BRSK2: variants seen among roughly 807,000 people sequenced by gnomAD.
The protein encoded by BRSK2 is serine/threonine-protein kinase BRSK2.
BRSK2 carries 19 observed loss-of-function variants against 83.3 expected under a neutral mutation model. That is an observed-to-expected ratio of 0.23 (90% confidence interval 0.16 to 0.33). The LOEUF is 0.33. BRSK2 is among the 10% of genes least tolerant of loss of function. BRSK2 has a pLI of 1.00. For synonymous variants in BRSK2, 519 were observed against 435.4 expected (o/e 1.19, Z -2.39); for missense variants, 798 against 1,042.3 (o/e 0.77, Z 3.23).
rs1047300929 is a variant in BRSK2 at position 1,423,921 on chromosome 11, C to T, written c.92-12119C>T. The stretch of plus-strand genomic sequence containing the variant: ...TCACCCTCACGTGGCGCCCCCATCC[C>T]ACCCCGTGTGTCCCCAGCCACACTT... On this transcript the variant is annotated intron_variant, in intron 1 of 19. Coordinates refer to ENST00000528841, the MANE Select transcript of BRSK2 (RefSeq NM_001256627.2). The surrounding 1 kb of genome is among the most constrained non-coding windows in gnomAD (Gnocchi z 6.5). Among the ~76,000 whole-genome samples the T allele has an allele frequency of 1.5e-4, 23 of 152,282 alleles. No individual in the cohort carries two copies. In the East Asian group the frequency reaches 4.5e-3, roughly 30 times the overall value.
intron 1 of BRSK2, among the ~76,000 whole-genome samples, chr11:1,409,074 G>A (rs187673028): frequency 6.6e-6 from 1 of 152,160 alleles, no homozygotes; most frequent in Admixed American, 6.5e-5. Flanking sequence ...GTATGTGTGT[G>A]CCTGTGTAAG....
chr11:1,442,314 A>T lies in BRSK2; in HGVS notation c.414-176A>T, dbSNP rs556111683. 3.8e-4 allele frequency: 213 copies of T among 558,904 alleles called. 4 individuals are homozygous for T. The South Asian group carries it at 3.9e-3, about 10-fold the overall frequency. 34.6% of individuals were successfully genotyped at this position (558,904 alleles called of 1,614,324 possible). The stretch of plus-strand genomic sequence containing the variant: ...CTGACCAAAGGCCAGAGCCAAACGG[A>T]CCAGGCAGGCGACTTCTGATTGGCT... On this transcript the variant is annotated intron_variant, in intron 4 of 19. Coordinates refer to ENST00000528841, the MANE Select transcript of BRSK2 (RefSeq NM_001256627.2).
In BRSK2 at chr11:1,443,101, C is replaced by A; in HGVS notation, c.531-5C>A. ...CCCGCCGCTGACCTCTGCCCTTGCCCGCAGGTCCCCCCACTACGCCTGCCC... is the reference window on the plus strand; with the variant it reads ...CCCGCCGCTGACCTCTGCCCTTGCCAGCAGGTCCCCCCACTACGCCTGCCC... On this transcript the variant is annotated splice_polypyrimidine_tract_variant and splice_region_variant and intron_variant, in intron 5 of 19. Coordinates refer to ENST00000528841, the MANE Select transcript of BRSK2 (RefSeq NM_001256627.2). 6.5e-7 allele frequency: 1 copy of A among 1,534,540 alleles called. No individual in the cohort carries two copies.
chr11:1,438,306 G>A lies in BRSK2; in HGVS notation c.187G>A (p.Val63Met). 1 of 1,613,730 alleles carries A rather than the reference G, an allele frequency of 6.2e-7. No individual in the cohort carries two copies. Among genetic ancestry groups the A allele is most frequent in the Non-Finnish European group, 8.5e-7 (1 of 1,179,656 alleles). Residue 63 changes from valine to methionine, a missense_variant and splice_region_variant, in exon 3 of 20, where the codon GTG becomes ATG. By Grantham distance (21) the Val-to-Met change is conservative (BLOSUM62 1). This residue lies in a region of BRSK2 where 109 missense variants were observed against 259.2 expected (regional missense o/e 0.42). Transcript: ENST00000528841. The surrounding 1 kb of genome is among the most constrained non-coding windows in gnomAD (Gnocchi z 6.4). ...EKLSESVLMK[V>M]EREIAILKLI... ...ATGTTCTCTGGCCTCTCCCATGCAG[G>A]TGGAGCGGGAGATCGCGATCCTGAA... is the stretch of plus-strand genomic sequence containing the variant.
intron 15 of BRSK2, among the ~76,000 whole-genome samples, chr11:1,451,937 G>A (rs758439300): frequency 2.0e-5 from 3 of 152,064 alleles, no homozygotes; most frequent in Non-Finnish European, 2.9e-5. Flanking sequence ...GCTGTGACTG[G>A]TGTCTGGACA....
At chr11:1,399,883 C>T (rs1045249655) in intron 1 of BRSK2, among the ~76,000 whole-genome samples, 4 of 129,422 alleles carry the variant, frequency 3.1e-5, no homozygotes, top group Non-Finnish European at 6.5e-5. Flanking sequence ...ATGGAGGCCT[C>T]GCTCCGGGTC....
At chr11:1,398,381 C>T (rs74046931) in intron 1 of BRSK2, among the ~76,000 whole-genome samples, 2 of 152,006 alleles carry the variant, frequency 1.3e-5, no homozygotes, top group Non-Finnish European at 2.9e-5. Flanking sequence ...GCCCTGGGTC[C>T]GAGAGTTATC....
At chr11:1,457,215 C>T (rs1231475024) in intron 18 of BRSK2, among the ~76,000 whole-genome samples, 1 of 152,172 alleles carries the variant, frequency 6.6e-6, no homozygotes, top group Non-Finnish European at 1.5e-5. Flanking sequence ...TGCACAGGAC[C>T]TGGGAGAGCA....
At chr11:1,455,621 G>A (rs1846415175) in intron 16 of BRSK2, among the ~76,000 whole-genome samples, 1 of 151,998 alleles carries the variant, frequency 6.6e-6, no homozygotes, top group Non-Finnish European at 1.5e-5. Flanking sequence ...ACTGCACTTG[G>A]ACCCTGGCCT....
rs1847527180 is a variant in BRSK2, at chr11:1,461,777, G to A, written c.*1054G>A. The A allele has an allele frequency of 6.6e-6, 1 of 151,928 alleles. No individual in the cohort carries two copies. Among genetic ancestry groups the A allele is most frequent in the African/African-American group, 2.4e-5 (1 of 41,338 alleles). 9.4% of individuals were successfully genotyped at this position (151,928 alleles called of 1,614,324 possible). On this transcript the variant is annotated 3_prime_UTR_variant, in exon 20 of 20. Transcript: ENST00000528841. ...TGGTGGTTTTTGGAAAAGGGTGTGG[G>A]GGTGGGGGCGCCGCTGGGGCAGGGC...
Position 1,439,419 on chromosome 11 carries a change from C to T in BRSK2, c.272+1028C>T, listed in dbSNP as rs142248610. Among the ~76,000 whole-genome samples, 190 of 151,246 alleles carry T rather than the reference C, an allele frequency of 1.3e-3. 3 individuals are homozygous for T. The East Asian group carries it at 0.032, about 25-fold the overall frequency. On this transcript the variant is annotated intron_variant, in intron 3 of 19. Coordinates refer to ENST00000528841, the MANE Select transcript of BRSK2 (RefSeq NM_001256627.2). ...AACTGTCACCAGAGGACTGGGGGGG[C>T]GGGGGTGGTCCTGGCCCTGATGCTG...
intron 1 of BRSK2, among the ~76,000 whole-genome samples, chr11:1,391,465 A>G (rs893420233): frequency 6.6e-6 from 1 of 152,154 alleles, no homozygotes; most frequent in African/African-American, 2.4e-5. Context: ...GGCCAGGCCC[A>G]GGCTCTTGGG....
intron 1 of BRSK2, among the ~76,000 whole-genome samples, chr11:1,416,561 G>T (rs1848118563): frequency 6.6e-6 from 1 of 152,150 alleles, no homozygotes; most frequent in Non-Finnish European, 1.5e-5. Flanking sequence ...GTTGTATTTA[G>T]CCTCAGTTTT....
chr11:1,397,329 G>C (rs1040678634), intron 1 of BRSK2, among the ~76,000 whole-genome samples: 1 of 152,212 alleles, frequency 6.6e-6, no homozygotes, highest in Admixed American at 6.5e-5. Flanking sequence ...ATTGTGCCAA[G>C]CCGGCTGCCT....
chr11:1,402,205 G>A (rs185232156), intron 1 of BRSK2, among the ~76,000 whole-genome samples: 1,579 of 152,340 alleles, frequency 0.01, 24 homozygotes, highest in African/African-American at 0.036. Context: ...CAGAGGCGGT[G>A]GGTGTCGGGG....
chr11:1,456,154 G>C (rs1278517064), intron 16 of BRSK2, among the ~76,000 whole-genome samples, 194 bp from the exon 17 acceptor site: 1 of 152,092 alleles, frequency 6.6e-6, no homozygotes, highest in Admixed American at 6.5e-5. Context: ...CAAAGCTTTG[G>C]AGGGTGGGGG....
At chr11:1,444,683 G>GCCCCTA (rs1175419436) in intron 8 of BRSK2, among the ~76,000 whole-genome samples, 1 of 133,770 alleles carries the variant, frequency 7.5e-6, no homozygotes, top group East Asian at 2.1e-4. Context: ...CCAGGCCCCT[G>GCCCCTA]CCCCTACCTG....
At chr11:1,448,971 T>C (rs1171706033) in intron 12 of BRSK2, among the ~76,000 whole-genome samples, 3 of 152,070 alleles carry the variant, frequency 2.0e-5, no homozygotes, top group African/African-American at 4.8e-5. Context: ...TTTACTCTTC[T>C]CTGTCCTCTT....
At position 1,461,947 on chromosome 11, in the gene BRSK2, T is replaced by C. The variant is rs1881505; in HGVS notation, c.*1224T>C. The C allele has an allele frequency of 0.96, 146,232 of 151,998 alleles. 70,369 individuals carry two copies. Among genetic ancestry groups the C allele is most frequent in the East Asian group, 1 (5,110 of 5,110 alleles). 9.4% of individuals were successfully genotyped at this position (151,998 alleles called of 1,614,324 possible). A position where few individuals can be genotyped will look rare whatever the true frequency, so the allele number is the denominator to read the frequency against. ...GGCTCGGGGCAGAGGGGCGGTGTCT[T>C]GTAGCGGGCGGCAGCGCCAGCGCCC... On this transcript the variant is annotated 3_prime_UTR_variant, in exon 20 of 20. Coordinates refer to ENST00000528841, the MANE Select transcript of BRSK2 (RefSeq NM_001256627.2).
Sources: allele counts gnomAD v4.1 joint callset (sites outside exome capture counted in the v4.1 genomes callset), GRCh38; gene constraint gnomAD v4.1.1; regional missense constraint gnomAD v4.1.1; non-coding constraint Gnocchi (gnomAD v3.1); transcripts MANE v1.5; gene names NCBI Gene and HGNC (gene_info 2026-07-23, HGNC 2026-07-21).